MDGA2: variants seen among roughly 807,000 people sequenced by gnomAD.
MDGA2 encodes the protein MAM domain containing glycosylphosphatidylinositol anchor 2.
Under a neutral mutation model 117.8 loss-of-function variants are expected in MDGA2, and 40 were observed. That is an observed-to-expected ratio of 0.34 (90% CI 0.26 to 0.44). The LOEUF (loss-of-function observed/expected upper bound fraction) is 0.44. MDGA2 is among the 20% of genes least tolerant of loss of function. The probability of loss-of-function intolerance (pLI) is 1.00; values close to 1 mark genes in which losing one functional copy is unlikely to be tolerated. For synonymous variants in MDGA2, 452 were observed against 439.0 expected, an observed-to-expected ratio of 1.03 and a Z score of -0.37; for missense variants, 1,123 against 1,250.6, an observed-to-expected ratio of 0.90 and a Z score of 1.54.
At chr14:46,901,548 T>C (rs992668780) in intron 10 of MDGA2, among the ~76,000 whole-genome samples, 2 of 152,338 alleles carry the variant, frequency 1.3e-5, no homozygotes, top group Non-Finnish European at 2.9e-5. Flanking sequence ...TTTATTCATT[T>C]ATTCAGCAAA....
At chr14:47,066,719 ATCTG>A (rs1890096817) in intron 6 of MDGA2, among the ~76,000 whole-genome samples, 1 of 86,178 alleles carries the variant, frequency 1.2e-5, no homozygotes, top group Non-Finnish European at 2.4e-5. Flanking sequence ...TCAGTTGATA[ATCTG>A]AAGATGGAAG....
At chr14:47,313,904 A>C (rs936558783) in intron 1 of MDGA2, among the ~76,000 whole-genome samples, 1 of 152,200 alleles carries the variant, frequency 6.6e-6, no homozygotes, top group African/African-American at 2.4e-5. Flanking sequence ...ACAAATTGCC[A>C]AAAGATACAT....
chr14:47,200,920 G>C lies in MDGA2; in HGVS notation c.595+17101C>G, dbSNP rs533453281. ...CGGCCTGGCCTCGCTTGGTCTTGTG[G>C]GGCAGCAAGCCTCGCTCGGTCCGAA... On this transcript the variant is annotated intron_variant, in intron 3 of 16. Coordinates refer to ENST00000399232, the MANE Select transcript of MDGA2 (RefSeq NM_001113498.3). 39 of 845,130 alleles carry C rather than the reference G, an allele frequency of 4.6e-5. No homozygotes were observed. In the East Asian group the frequency reaches 9.3e-4, roughly 20 times the overall value. 52.4% of individuals were successfully genotyped at this position (845,130 alleles called of 1,614,324 possible).
At chr14:47,130,351 TC>T (rs1882140705) in intron 5 of MDGA2, among the ~76,000 whole-genome samples, 1 of 152,150 alleles carries the variant, frequency 6.6e-6, no homozygotes, top group South Asian at 2.1e-4. Context: ...AAATAGGGAA[TC>T]CTTTCCCCCA....
chr14:46,904,356 T>G (rs897281271), intron 10 of MDGA2, among the ~76,000 whole-genome samples: 4 of 115,332 alleles, frequency 3.5e-5, no homozygotes. Context: ...AGACTCTGTC[T>G]CAAAAAAAAA....
At chr14:47,301,973 T>C (rs1205308709) in intron 1 of MDGA2, among the ~76,000 whole-genome samples, 2 of 152,160 alleles carry the variant, frequency 1.3e-5, no homozygotes, top group Non-Finnish European at 2.9e-5. Flanking sequence ...CATTTGTCTG[T>C]TAATTATTTA....
chr14:47,466,304 C>A (rs1033162907), intron 1 of MDGA2, among the ~76,000 whole-genome samples: 3 of 151,738 alleles, frequency 2.0e-5, no homozygotes. Context: ...ATTTGCAGGA[C>A]CCCCACACGG....
At chr14:47,598,204 A>C (rs1253603609) in intron 1 of MDGA2, among the ~76,000 whole-genome samples, 1 of 152,210 alleles carries the variant, frequency 6.6e-6, no homozygotes, top group Non-Finnish European at 1.5e-5. Flanking sequence ...GAAAAATTGC[A>C]ATCCTTATGT....
At chr14:47,057,472 T>TA (rs553260054) in intron 7 of MDGA2, among the ~76,000 whole-genome samples, 14 of 150,210 alleles carry the variant, frequency 9.3e-5, no homozygotes, top group East Asian at 2.0e-4. Flanking sequence ...AATTTTAAAT[T>TA]AAAAAAAAAA....
Position 47,148,545 on chromosome 14 carries a change from C to T in MDGA2, c.596-4271G>A, listed in dbSNP as rs989510248. On this transcript the variant is annotated intron_variant, in intron 3 of 16. Coordinates refer to ENST00000399232, the MANE Select transcript of MDGA2 (RefSeq NM_001113498.3). ...GTACGTATGACCAGATAATCCATGG[C>T]AATGTGCCCACTCCAGAATACTGAT... Among the ~76,000 whole-genome samples, 15 of 152,240 alleles carry T rather than the reference C, an allele frequency of 9.9e-5. No individual in the cohort carries two copies. In the East Asian group the frequency reaches 2.1e-3, roughly 22 times the overall value.
At chr14:47,597,354 A>T (rs941523341) in intron 1 of MDGA2, among the ~76,000 whole-genome samples, 57 of 152,128 alleles carry the variant, frequency 3.7e-4, no homozygotes, top group African/African-American at 1.3e-3. Context: ...CTTCAGTAAA[A>T]CTGAAGTCAA....
At chr14:47,498,041 T>C (rs1316348059) in intron 1 of MDGA2, among the ~76,000 whole-genome samples, 1 of 152,194 alleles carries the variant, frequency 6.6e-6, no homozygotes, top group Non-Finnish European at 1.5e-5. Context: ...CTAATAAATA[T>C]TCCTTTAAGT....
intron 1 of MDGA2, among the ~76,000 whole-genome samples, chr14:47,515,214 G>A (rs1429136502): frequency 6.6e-6 from 1 of 152,090 alleles, no homozygotes; most frequent in African/African-American, 2.4e-5. Flanking sequence ...CCTGGATGAG[G>A]GGCTGGCTAG....
intron 1 of MDGA2, among the ~76,000 whole-genome samples, chr14:47,516,873 A>G (rs377528478): frequency 6.6e-6 from 1 of 152,288 alleles, no homozygotes; most frequent in East Asian, 1.9e-4. Context: ...ATGTAACTGA[A>G]AGACTTCTAA....
chr14:47,158,006 TACAC>T (rs3039402), intron 3 of MDGA2, among the ~76,000 whole-genome samples: 4,169 of 149,052 alleles, frequency 0.028, 173 homozygotes, highest in African/African-American at 0.096. Context: ...ACAGTATCTA[TACAC>T]ACACACACAC....
At chr14:46,873,989 T>C (rs937059589) in intron 13 of MDGA2, 56 bp downstream of exon 13, 3 of 1,329,934 alleles carry the variant, frequency 2.3e-6, no homozygotes, top group South Asian at 1.5e-5. Flanking sequence ...TTCATATTTA[T>C]AGCAGTTTTT....
chr14:46,974,627 T>C (rs925553299), intron 8 of MDGA2, among the ~76,000 whole-genome samples: 2 of 152,130 alleles, frequency 1.3e-5, no homozygotes, highest in African/African-American at 4.8e-5. Flanking sequence ...CAATGGGGAA[T>C]AGATAGTCTT....
intron 1 of MDGA2, among the ~76,000 whole-genome samples, chr14:47,314,312 T>C (rs1889735330): frequency 6.6e-6 from 1 of 152,166 alleles, no homozygotes; most frequent in African/African-American, 2.4e-5. Flanking sequence ...AGTTTATGTG[T>C]AAACTTAGTA....
At position 47,315,086 on chromosome 14, in the gene MDGA2, T is replaced by C. The variant is rs114478153; in HGVS notation, c.281-13536A>G. Reference sequence around the variant, plus strand: ...TCAATTTTTTTGTACAATGAGCACATTTTTTCCCCCAGAGCTAATATAATG... The same window carrying C: ...TCAATTTTTTTGTACAATGAGCACACTTTTTCCCCCAGAGCTAATATAATG... On this transcript the variant is annotated intron_variant, in intron 1 of 16. Coordinates refer to ENST00000399232, the MANE Select transcript of MDGA2 (RefSeq NM_001113498.3). 3.2e-3 allele frequency among the ~76,000 whole-genome samples: 483 copies of C among 150,570 alleles called. 4 individuals are homozygous for C. The highest frequency in any genetic ancestry group is 0.012 in the African/African-American group (468 of 40,008).
Sources: gnomAD v4.1 joint callset for allele counts (sites outside exome capture counted in the v4.1 genomes callset) on GRCh38, gnomAD v4.1.1 for gene constraint, MANE v1.5 for transcripts, NCBI Gene and HGNC (gene_info 2026-07-23, HGNC 2026-07-21) for gene names.